The following CTNND2 variants were observed in gnomAD, a reference collection of about 807,000 sequenced individuals.
CTNND2 encodes the protein catenin delta-2.
A neutral mutation model predicts 144.4 loss-of-function variants in CTNND2; 22 were observed. That is an observed-to-expected ratio of 0.15 (90% CI 0.11 to 0.22). CTNND2 has a LOEUF of 0.22. CTNND2 is among the 10% of genes least tolerant of loss of function. CTNND2 has a pLI of 1.00. For synonymous variants in CTNND2, 751 were observed against 695.6 expected (o/e 1.08, Z -1.25); for missense variants, 1,353 against 1,618.8 (o/e 0.84, Z 2.82).
At chr5:11,496,237 C>T (rs746410515) in intron 3 of CTNND2, among the ~76,000 whole-genome samples, 25 of 152,180 alleles carry the variant, frequency 1.6e-4, no homozygotes, top group Non-Finnish European at 2.8e-4. Flanking sequence ...CCATTGAAAG[C>T]CTGTGTCTTG....
At chr5:11,142,608 CTTTT>C (rs955587756) in intron 12 of CTNND2, among the ~76,000 whole-genome samples, 1 of 133,270 alleles carries the variant, frequency 7.5e-6, no homozygotes, top group Non-Finnish European at 1.6e-5. Context: ...AATTTAAACT[CTTTT>C]TTTTTTTTTT....
intron 1 of CTNND2, among the ~76,000 whole-genome samples, chr5:11,735,097 T>C (rs1434551043): frequency 6.6e-6 from 1 of 152,144 alleles, no homozygotes; most frequent in East Asian, 1.9e-4. Flanking sequence ...AGCAAAGAGT[T>C]AGAATCAGAT....
chr5:11,440,131 T>C (rs960644686), intron 3 of CTNND2, among the ~76,000 whole-genome samples: 8 of 152,202 alleles, frequency 5.3e-5, no homozygotes, highest in African/African-American at 1.9e-4. Context: ...ATCTCATTCT[T>C]AATATTCTAA....
intron 1 of CTNND2, among the ~76,000 whole-genome samples, chr5:11,841,417 G>A (rs1794466639): frequency 6.6e-6 from 1 of 152,120 alleles, no homozygotes; most frequent in East Asian, 1.9e-4. Flanking sequence ...ATGGATCACT[G>A]TGTTTAGGTC....
intron 3 of CTNND2, among the ~76,000 whole-genome samples, chr5:11,438,157 C>T (rs550099056): frequency 2.0e-5 from 3 of 152,126 alleles, no homozygotes; most frequent in African/African-American, 7.2e-5. Flanking sequence ...GAAAACTAGG[C>T]GAAGAGGATC....
intron 13 of CTNND2, among the ~76,000 whole-genome samples, chr5:11,113,294 A>G (rs975228889): frequency 2.0e-5 from 3 of 152,124 alleles, no homozygotes; most frequent in African/African-American, 7.2e-5. Flanking sequence ...GATTGTTGAG[A>G]AGAGGGGTGA....
At chr5:11,815,669 CG>C (rs1792587858) in intron 1 of CTNND2, among the ~76,000 whole-genome samples, 1 of 152,026 alleles carries the variant, frequency 6.6e-6, no homozygotes, top group Admixed American at 6.5e-5. Context: ...CAAGTACCAG[CG>C]CTTGTGCCAG....
At chr5:11,262,785 A>AAAG (rs1745034432) in intron 9 of CTNND2, among the ~76,000 whole-genome samples, 1 of 148,074 alleles carries the variant, frequency 6.8e-6, no homozygotes, top group African/African-American at 2.5e-5. Context: ...AAAAAAAAAA[A>AAAG]AAAGAAAGAA....
intron 3 of CTNND2, among the ~76,000 whole-genome samples, chr5:11,441,672 T>C (rs959685579): frequency 8.5e-6 from 1 of 117,302 alleles, no homozygotes; most frequent in Non-Finnish European, 1.6e-5. Flanking sequence ...AGTGCTGAGA[T>C]TATAGGTGTG....
Position 11,840,323 on chromosome 5 carries a change from G to A in CTNND2, c.37+63494C>T, listed in dbSNP as rs1794396956. 2.0e-5 allele frequency among the ~76,000 whole-genome samples: 3 copies of A among 152,070 alleles called. No homozygotes were observed. The South Asian group carries it at 6.2e-4, about 32-fold the overall frequency. On this transcript the variant is annotated intron_variant, in intron 1 of 21. Coordinates refer to ENST00000304623, the MANE Select transcript of CTNND2 (RefSeq NM_001332.4). ...AATGTTTCTTTGTCAAACATTAATTGTTTACTACTATGTATTGAAGATAAT... is the reference window on the plus strand; with the variant it reads ...AATGTTTCTTTGTCAAACATTAATTATTTACTACTATGTATTGAAGATAAT...
intron 9 of CTNND2, among the ~76,000 whole-genome samples, chr5:11,268,497 C>T (rs1001290636): frequency 9.9e-5 from 15 of 152,088 alleles, no homozygotes; most frequent in East Asian, 3.9e-4. Context: ...GGCTGAGGCA[C>T]GAGAATTGCT....
chr5:11,657,564 T>G (rs147970156), intron 2 of CTNND2, among the ~76,000 whole-genome samples: 2 of 152,248 alleles, frequency 1.3e-5, no homozygotes, highest in East Asian at 3.9e-4. Context: ...TCAGGTTTTA[T>G]GAGTTGGCAA....
At chr5:11,725,195 C>A (rs1382548535) in intron 2 of CTNND2, among the ~76,000 whole-genome samples, 1 of 152,162 alleles carries the variant, frequency 6.6e-6, no homozygotes, top group Non-Finnish European at 1.5e-5. Context: ...GTCACTGATG[C>A]ATGCTAGAGA....
At chr5:11,546,912 T>C (rs1215842687) in intron 3 of CTNND2, among the ~76,000 whole-genome samples, 1 of 152,126 alleles carries the variant, frequency 6.6e-6, no homozygotes, top group African/African-American at 2.4e-5. Context: ...AGAGCTACTT[T>C]ACGTGAAAAA....
chr5:11,216,240 T>C (rs1739166461), intron 10 of CTNND2, among the ~76,000 whole-genome samples: 1 of 152,132 alleles, frequency 6.6e-6, no homozygotes, highest in Non-Finnish European at 1.5e-5. Context: ...CGCCACCCTA[T>C]AAGATGTCAA....
intron 3 of CTNND2, among the ~76,000 whole-genome samples, chr5:11,463,960 G>T (rs1305763898): frequency 6.6e-6 from 1 of 152,102 alleles, no homozygotes; most frequent in Non-Finnish European, 1.5e-5. Flanking sequence ...GCCAAAATAA[G>T]TGTTAGTTTC....
intron 9 of CTNND2, among the ~76,000 whole-genome samples, chr5:11,318,626 A>C (rs1477713850): frequency 6.6e-6 from 1 of 152,130 alleles, no homozygotes; most frequent in Non-Finnish European, 1.5e-5. Flanking sequence ...GTTCTCATCT[A>C]CTGTGCCTTT....
At chr5:11,722,186 C>T (rs1311439353) in intron 2 of CTNND2, among the ~76,000 whole-genome samples, 1 of 152,210 alleles carries the variant, frequency 6.6e-6, no homozygotes, top group Non-Finnish European at 1.5e-5. Context: ...ACCATTTTCA[C>T]AGAGTTTTCT....
intron 3 of CTNND2, among the ~76,000 whole-genome samples, chr5:11,556,854 T>C (rs903907767): frequency 1.3e-5 from 2 of 151,468 alleles, no homozygotes; most frequent in African/African-American, 4.9e-5. Flanking sequence ...TCCTTTTAGG[T>C]GTAGCTAACA....
Sources: gnomAD v4.1 joint callset for allele counts (sites outside exome capture counted in the v4.1 genomes callset) on GRCh38, gnomAD v4.1.1 for gene constraint, MANE v1.5 for transcripts, NCBI Gene and HGNC (gene_info 2026-07-23, HGNC 2026-07-21) for gene names.